Variants in PTPRC observed in about 807,000 individuals in gnomAD.
PTPRC encodes the protein protein tyrosine phosphatase receptor type C, also known as receptor-type tyrosine-protein phosphatase C.
A neutral mutation model predicts 155.9 loss-of-function variants in PTPRC; 44 were observed. The observed-to-expected ratio is 0.28, with a 90% CI of 0.22 to 0.36. PTPRC has a LOEUF of 0.36. PTPRC is among the 10% of genes least tolerant of loss of function. PTPRC has a pLI of 1.00. For synonymous variants in PTPRC, 525 were observed against 533.1 expected (o/e 0.98, Z 0.21); for missense variants, 1,401 against 1,564.6 (o/e 0.90, Z 1.76).
chr1:198,673,044 A>G (rs948522888), intron 2 of PTPRC, among the ~76,000 whole-genome samples: 11 of 152,266 alleles, frequency 7.2e-5, no homozygotes, highest in Admixed American at 7.2e-4. Context: ...GCCAGGAAGA[A>G]CAACTTTTTC....
chr1:198,734,006 T>C (rs547494427), intron 20 of PTPRC, among the ~76,000 whole-genome samples, 190 bp from the exon 21 acceptor site: 1 of 151,954 alleles, frequency 6.6e-6, no homozygotes, highest in Non-Finnish European at 1.5e-5. Flanking sequence ...TTGCAAATGC[T>C]AACATGTTTA....
rs184082099 is a variant in PTPRC at position 198,712,703 on chromosome 1, G to A, written c.1172-250G>A. ...ATGAATAATGTATATGAAAGGAAGA[G>A]GGGGTTCTTAGATATCTTCAAGTCA... On this transcript the variant is annotated intron_variant, in intron 11 of 32. Coordinates refer to ENST00000442510, the MANE Select transcript of PTPRC (RefSeq NM_002838.5). 8.5e-4 allele frequency: 414 copies of A among 485,816 alleles called. 4 individuals are homozygous for A. Among genetic ancestry groups the A allele is most frequent in the Admixed American group, 4.4e-3 (124 of 28,174 alleles). 30.1% of individuals were successfully genotyped at this position (485,816 alleles called of 1,614,324 possible).
intron 22 of PTPRC, among the ~76,000 whole-genome samples, chr1:198,734,883 A>G (rs940999545): frequency 2.0e-5 from 3 of 151,708 alleles, no homozygotes; most frequent in African/African-American, 7.2e-5. Context: ...TCCTCTCTTA[A>G]CATGCATCTA....
chr1:198,678,347 C>A (rs1191099029), intron 2 of PTPRC, among the ~76,000 whole-genome samples: 1 of 152,140 alleles, frequency 6.6e-6, no homozygotes. Flanking sequence ...GTTCACTCAA[C>A]GTTTCTATTT....
chr1:198,660,811 G>A (rs557232999), intron 2 of PTPRC: 19 of 152,146 alleles, frequency 1.2e-4, no homozygotes, highest in Non-Finnish European at 2.6e-4. Context: ...ATCCAAAAAT[G>A]CATTATATTC....
intron 2 of PTPRC, among the ~76,000 whole-genome samples, chr1:198,668,374 CA>C (rs1428552329): frequency 3.3e-5 from 5 of 151,712 alleles, no homozygotes; most frequent in African/African-American, 1.2e-4. Flanking sequence ...AACATGGTAG[CA>C]AAAAATAATG....
intron 2 of PTPRC, among the ~76,000 whole-genome samples, chr1:198,657,240 T>C (rs72738021): frequency 0.018 from 2,692 of 151,978 alleles, 37 homozygotes; most frequent in Non-Finnish European, 0.024. Flanking sequence ...AAGTAGGTTT[T>C]TATGTTTATA....
chr1:198,754,486 T>G, intron 32 of PTPRC, 82 bp downstream of exon 32: 1 of 1,490,458 alleles, frequency 6.7e-7, no homozygotes, highest in African/African-American at 1.4e-5. Flanking sequence ...TTTTCTCCTC[T>G]CCTTTCCTCT....
intron 2 of PTPRC, among the ~76,000 whole-genome samples, chr1:198,675,676 T>A (rs905139379): frequency 3.9e-5 from 6 of 152,144 alleles, no homozygotes; most frequent in Admixed American, 1.3e-4. Flanking sequence ...TATATCTCTG[T>A]AAATTGGGTA....
In PTPRC at chr1:198,756,100, T is replaced by A. The variant is rs759468863; in HGVS notation, c.3840T>A (p.Gly1280=). 1.9e-6 allele frequency: 3 copies of A among 1,613,370 alleles called. No individual in the cohort carries two copies. Among genetic ancestry groups the A allele is most frequent in the Non-Finnish European group, 2.5e-6 (3 of 1,179,648 alleles). Residue 1280 remains glycine (G), a synonymous_variant, in exon 33 of 33, where the codon GGT becomes GGA. Coordinates refer to ENST00000442510, the MANE Select transcript of PTPRC (RefSeq NM_002838.5). ...KLPEAKEQAE[G]SEPTSGTEGP... is the part of the protein sequence containing the mutation. ...CTGAAGCAAAGGAACAGGCTGAAGG[T>A]TCTGAACCCACGAGTGGCACTGAGG...
At chr1:198,752,214 G>T in intron 29 of PTPRC, 35 bp from the exon 30 acceptor site, 1 of 1,600,384 alleles carries the variant, frequency 6.2e-7, no homozygotes, top group Non-Finnish European at 8.6e-7. Flanking sequence ...ATTTCAAATA[G>T]GAAACAAATT....
At chr1:198,666,240 C>CAAAA (rs756815638) in intron 2 of PTPRC, among the ~76,000 whole-genome samples, 1 of 101,784 alleles carries the variant, frequency 9.8e-6, no homozygotes, top group Non-Finnish European at 1.9e-5. Context: ...GACCCTGTCT[C>CAAAA]AAAAAAAAAA....
At chr1:198,682,791 G>A (rs1665413242) in intron 2 of PTPRC, among the ~76,000 whole-genome samples, 1 of 152,072 alleles carries the variant, frequency 6.6e-6, no homozygotes, top group Admixed American at 6.5e-5. Context: ...ATTTTTGTTA[G>A]GCATAGGCCT....
chr1:198,665,079 C>CCTTTTTTTTTTTTTTTT lies in PTPRC; in HGVS notation c.73+25738_73+25739insCTTTTTTTTTTTTTTTT, dbSNP rs1557979011. Among the ~76,000 whole-genome samples, 2 of 102,244 alleles carry CCTTTTTTTTTTTTTTTT rather than the reference C, an allele frequency of 2.0e-5. 1 individual carries two copies. Among genetic ancestry groups the CCTTTTTTTTTTTTTTTT allele is most frequent in the Non-Finnish European group, 4.1e-5 (2 of 49,286 alleles). The allele number at this position is 102,244 out of a possible 152,430, so 67.1% of individuals were successfully genotyped here. A position where few individuals can be genotyped will look rare whatever the true frequency, so the allele number is the denominator to read the frequency against. ...GAGTGTTTTTAGAACATCCCGGCAG[C>CCTTTTTTTTTTTTTTTT]ATTTTTTTTTTTTTTTTTTTTTTTT... On this transcript the variant is annotated intron_variant, in intron 2 of 32. Transcript: ENST00000442510.
chr1:198,709,906 A>AT, intron 11 of PTPRC, 82 bp downstream of exon 11: 1 of 1,548,354 alleles, frequency 6.5e-7, no homozygotes, highest in Non-Finnish European at 8.8e-7. Flanking sequence ...TAGGAAATGA[A>AT]TTGTCTTTTT....
intron 2 of PTPRC, among the ~76,000 whole-genome samples, chr1:198,686,511 A>G (rs1277750418): frequency 6.6e-6 from 1 of 152,206 alleles, no homozygotes; most frequent in African/African-American, 2.4e-5. Context: ...TGATGTGTTT[A>G]TAGAATTTGA....
At chr1:198,692,672 A>T (rs550625564) in intron 3 of PTPRC, 15 of 946,508 alleles carry the variant, frequency 1.6e-5, no homozygotes, top group Non-Finnish European at 1.8e-5. Flanking sequence ...TTTTAAGACT[A>T]TAAAAAAATG....
At chr1:198,740,209 A>G (rs1654835920) in intron 23 of PTPRC, among the ~76,000 whole-genome samples, 1 of 151,902 alleles carries the variant, frequency 6.6e-6, no homozygotes, top group Non-Finnish European at 1.5e-5. Flanking sequence ...AATAATAAAG[A>G]TCAAAGTAGA....
chr1:198,648,378 G>A (rs977537384), intron 2 of PTPRC, among the ~76,000 whole-genome samples: 1 of 151,738 alleles, frequency 6.6e-6, no homozygotes, highest in Non-Finnish European at 1.5e-5. Flanking sequence ...GAGAGTTGTA[G>A]GGGGTGGGGT....
Sources: allele counts gnomAD v4.1 joint callset (sites outside exome capture counted in the v4.1 genomes callset), GRCh38; gene constraint gnomAD v4.1.1; transcripts MANE v1.5; gene names NCBI Gene and HGNC (gene_info 2026-07-23, HGNC 2026-07-21).